The following CLDN10 variants were observed in gnomAD, a reference collection of about 807,000 sequenced individuals.
CLDN10 encodes the protein claudin 10, also known as claudin-10.
CLDN10 carries 15 observed loss-of-function variants against 22.9 expected under a neutral mutation model. The observed-to-expected ratio is 0.65, with a 90% confidence interval of 0.44 to 1.01. The LOEUF is 1.01. Ranked by LOEUF, CLDN10 falls within the 50% of genes least tolerant of loss-of-function variation. CLDN10 has a pLI of 0.00. For synonymous variants in CLDN10, 114 were observed against 111.4 expected (o/e 1.02, Z -0.15); for missense variants, 247 against 287.8 (o/e 0.86, Z 1.03).
In CLDN10 at chr13:95,563,202, TAAGAG is replaced by T. The variant is rs543031279; in HGVS notation, c.464+2741_464+2745del. Among the ~76,000 whole-genome samples the T allele has an allele frequency of 1.4e-4, 20 of 140,692 alleles. 1 individual carries two copies. Among genetic ancestry groups the T allele is most frequent in the African/African-American group, 3.3e-4 (13 of 39,148 alleles). The allele number at this position is 140,692 out of a possible 152,430, so 92.3% of individuals were successfully genotyped here. A position where few individuals can be genotyped will look rare whatever the true frequency, so the allele number is the denominator to read the frequency against. On this transcript the variant is annotated intron_variant, in intron 3 of 4. Coordinates refer to ENST00000299339, the MANE Select transcript of CLDN10 (RefSeq NM_006984.5). ...CCTCTCACAGAATTGCTGTGAGAGT[TAAGAG>T]AGGAGAGAGAGAGAGAGAGAGAGAG...
chr13:95,573,251 G>A (rs530965571), intron 3 of CLDN10, among the ~76,000 whole-genome samples: 46 of 152,238 alleles, frequency 3.0e-4, no homozygotes, highest in African/African-American at 1.1e-3. Context: ...AGTTATACGC[G>A]CAGCTTTTGA....
chr13:95,528,293 TC>T (rs58263405), intron 1 of CLDN10, among the ~76,000 whole-genome samples: 59,231 of 151,910 alleles, frequency 0.39, 11,805 homozygotes, highest in African/African-American at 0.45. Flanking sequence ...ATAAGGGGTT[TC>T]CCCTTTCACT....
At chr13:95,439,618 G>A (rs970748354) in intron 1 of CLDN10, among the ~76,000 whole-genome samples, 1 of 152,062 alleles carries the variant, frequency 6.6e-6, no homozygotes. Context: ...ACACGCATGA[G>A]CCACCATGCC....
chr13:95,570,856 G>GTATATATATATATA (rs2043846316), intron 3 of CLDN10, among the ~76,000 whole-genome samples: 4 of 36,888 alleles, frequency 1.1e-4, no homozygotes, highest in African/African-American at 4.3e-4. Flanking sequence ...ACATATACGT[G>GTATATATATATATA]TGTATATATA....
At chr13:95,454,488 G>T (rs1176739747) in intron 1 of CLDN10, among the ~76,000 whole-genome samples, 1 of 152,058 alleles carries the variant, frequency 6.6e-6, no homozygotes, top group East Asian at 1.9e-4. Context: ...GGAAGGAAAA[G>T]CAAGCCTGAT....
chr13:95,524,257 C>G (rs906967626), intron 1 of CLDN10, among the ~76,000 whole-genome samples: 2 of 152,036 alleles, frequency 1.3e-5, no homozygotes, highest in African/African-American at 2.4e-5. Flanking sequence ...ATGAATGAGG[C>G]CTTTCACACG....
chr13:95,453,070 G>T (rs75074097), intron 1 of CLDN10, among the ~76,000 whole-genome samples: 11,636 of 151,988 alleles, frequency 0.077, 668 homozygotes, highest in South Asian at 0.22. Context: ...AATGGTTTTT[G>T]GTTTTGTTTT....
At chr13:95,572,198 G>A (rs922524082) in intron 3 of CLDN10, among the ~76,000 whole-genome samples, 3 of 152,112 alleles carry the variant, frequency 2.0e-5, no homozygotes, top group African/African-American at 7.2e-5. Context: ...TGAAGCTCTT[G>A]AGCCACTGAG....
chr13:95,442,699 C>G (rs2042336001), intron 1 of CLDN10, among the ~76,000 whole-genome samples: 1 of 152,120 alleles, frequency 6.6e-6, no homozygotes, highest in African/African-American at 2.4e-5. Flanking sequence ...ATTCTTAGTT[C>G]TGAGGGCAGG....
At chr13:95,500,054 G>A (rs79079625) in intron 1 of CLDN10, among the ~76,000 whole-genome samples, 11,791 of 152,248 alleles carry the variant, frequency 0.077, 498 homozygotes, top group Non-Finnish European at 0.086. Flanking sequence ...CTTGCTCTAT[G>A]TTAAATGTTC....
At chr13:95,519,524 G>A (rs1190566512) in intron 1 of CLDN10, among the ~76,000 whole-genome samples, 2 of 152,240 alleles carry the variant, frequency 1.3e-5, no homozygotes, top group African/African-American at 4.8e-5. Context: ...AATAGCCCTG[G>A]AGGTAGGAAT....
At chr13:95,547,065 T>C (rs2043517254) in intron 1 of CLDN10, among the ~76,000 whole-genome samples, 4 of 150,178 alleles carry the variant, frequency 2.7e-5, no homozygotes, top group African/African-American at 9.8e-5. Context: ...TTTTTTTTTT[T>C]AAGAGATGGG....
chr13:95,537,843 T>C (rs1002998259), intron 1 of CLDN10, among the ~76,000 whole-genome samples: 1 of 152,222 alleles, frequency 6.6e-6, no homozygotes, highest in Non-Finnish European at 1.5e-5. Flanking sequence ...TGGATTGGCT[T>C]CCAGCCCCTA....
intron 1 of CLDN10, among the ~76,000 whole-genome samples, chr13:95,476,602 T>C (rs1245971318): frequency 6.6e-6 from 1 of 151,962 alleles, no homozygotes; most frequent in Admixed American, 6.6e-5. Flanking sequence ...CAGCTGTGGG[T>C]GAAGATTCAA....
chr13:95,463,886 A>G (rs1425435148), intron 1 of CLDN10, among the ~76,000 whole-genome samples: 1 of 152,074 alleles, frequency 6.6e-6, no homozygotes, highest in Non-Finnish European at 1.5e-5. Context: ...TTATGGGTTT[A>G]TCTGAAATAC....
intron 1 of CLDN10, among the ~76,000 whole-genome samples, chr13:95,506,940 T>C (rs1308095729): frequency 6.6e-6 from 1 of 152,150 alleles, no homozygotes; most frequent in African/African-American, 2.4e-5. Flanking sequence ...CACGAGGAAT[T>C]GGGGCCGGGC....
rs1378940503 is a variant in CLDN10 at position 95,547,079 on chromosome 13, T to C, written c.215-13053T>C. ...TTTTTTTTTTTTAAGAGATGGGGAC[T>C]CTCCCTATGTTACTCAGGCTGGTCT... is the stretch of plus-strand genomic sequence containing the variant. On this transcript the variant is annotated intron_variant, in intron 1 of 4. Transcript: ENST00000376873. Among the ~76,000 whole-genome samples, 10 of 145,728 alleles carry C rather than the reference T, an allele frequency of 6.9e-5. No individual in the cohort carries two copies. In the Admixed American group the frequency reaches 7.1e-4, roughly 10 times the overall value.
intron 1 of CLDN10, among the ~76,000 whole-genome samples, chr13:95,528,225 G>A (rs1321347735): frequency 6.6e-6 from 1 of 152,102 alleles, no homozygotes; most frequent in Non-Finnish European, 1.5e-5. Flanking sequence ...TCATAGGGGT[G>A]GCTTCCCCTA....
chr13:95,533,798 T>G (rs1248648756), intron 1 of CLDN10: 1 of 152,348 alleles, frequency 6.6e-6, no homozygotes, highest in Non-Finnish European at 1.5e-5. Context: ...TGCTCAGCAG[T>G]ACCTTCAAGG....
Sources: gnomAD v4.1 joint callset for allele counts (sites outside exome capture counted in the v4.1 genomes callset) on GRCh38, gnomAD v4.1.1 for gene constraint, MANE v1.5 for transcripts, NCBI Gene and HGNC (gene_info 2026-07-23, HGNC 2026-07-21) for gene names.